Variants in ZNF382 observed in about 807,000 individuals in gnomAD.
ZNF382 encodes the protein KRAB/zinc finger suppressor protein 1.
Under a neutral mutation model 38.8 loss-of-function variants are expected in ZNF382, and 20 were observed. The observed-to-expected ratio is 0.51, with a 90% CI of 0.36 to 0.75. The LOEUF (loss-of-function observed/expected upper bound fraction) is 0.75, where lower values mean the gene tolerates loss of function less well. Among genes scored for constraint, ZNF382 ranks in the 30% least tolerant of loss-of-function variants. The pLI is 0.00. For synonymous variants in ZNF382, 202 were observed against 223.1 expected, an observed-to-expected ratio of 0.91 and a Z score of 0.84; for missense variants, 546 against 654.1, an observed-to-expected ratio of 0.83 and a Z score of 1.80.
rs1555793082 is a variant in ZNF382 at position 36,614,914 on chromosome 19, C to CTTCCCTTCCCTTTCCGTTTCCCT, written c.232+4179_232+4180insCCCTTTCCGTTTCCCTTTCCCTT. Among the ~76,000 whole-genome samples, 880 of 90,816 alleles carry CTTCCCTTCCCTTTCCGTTTCCCT rather than the reference C, an allele frequency of 9.7e-3. 26 individuals carry two copies. The highest frequency in any genetic ancestry group is 0.035 in the African/African-American group (747 of 21,518). 59.6% of individuals were successfully genotyped at this position (90,816 alleles called of 152,430 possible). A position where few individuals can be genotyped will look rare whatever the true frequency, so the allele number is the denominator to read the frequency against. ...CTTTCCTTTCCTTTCCTTTCCTTTC[C>CTTCCCTTCCCTTTCCGTTTCCCT]TTCCCTTTCCCTTTCCCTTTCCCTT... On this transcript the variant is annotated intron_variant, in intron 4 of 4. Transcript: ENST00000292928.
Position 36,634,030 on chromosome 19 carries a change from TA to T in ZNF382, c.*6486del, listed in dbSNP as rs975650683. 6.6e-5 allele frequency: 10 copies of T among 152,106 alleles called. No individual in the cohort carries two copies. The highest frequency in any genetic ancestry group is 2.2e-4 in the African/African-American group (9 of 41,418). 9.4% of individuals were successfully genotyped at this position (152,106 alleles called of 1,614,324 possible). A position where few individuals can be genotyped will look rare whatever the true frequency, so the allele number is the denominator to read the frequency against. Reference sequence around the variant, plus strand: ...CATAGATAAAAAATCTATGCATGTGTAAAAAATAGAAGTATACATACAAAAA... The same window carrying T: ...CATAGATAAAAAATCTATGCATGTGTAAAAATAGAAGTATACATACAAAAA... On this transcript the variant is annotated 3_prime_UTR_variant, in exon 5 of 5. Coordinates refer to ENST00000292928, the MANE Select transcript of ZNF382 (RefSeq NM_032825.5).
intron 3 of ZNF382, 60 bp downstream of exon 3, chr19:36,610,113 A>G (rs2037065411): frequency 6.3e-7 from 1 of 1,581,054 alleles, no homozygotes; most frequent in Non-Finnish European, 8.6e-7. Flanking sequence ...TTCCTGAAAC[A>G]TATAGGACTT....
chr19:36,621,022 G>T (rs552744715), intron 4 of ZNF382, among the ~76,000 whole-genome samples: 1 of 151,940 alleles, frequency 6.6e-6, no homozygotes, highest in Non-Finnish European at 1.5e-5. Context: ...GCCTCCGACA[G>T]TGCTGGGATT....
rs2037225446 is a variant in ZNF382 at position 36,627,559 on chromosome 19, G to C, written c.*9G>C. ...CCACGGGAATTCAGTAAGTAATGTG[G>C]CTTTTTTTGTAAAAAAATGTTAAGT... On this transcript the variant is annotated 3_prime_UTR_variant, in exon 5 of 5. Transcript: ENST00000292928. The C allele has an allele frequency of 6.3e-7, 1 of 1,593,034 alleles. No homozygotes were observed. Among genetic ancestry groups the C allele is most frequent in the Non-Finnish European group, 8.6e-7 (1 of 1,165,060 alleles).
At position 36,627,401 on chromosome 19, in the gene ZNF382, A is replaced by G. The variant is rs768216337; in HGVS notation, c.1504A>G (p.Ser502Gly). The change falls in exon 5 of 5, where the codon AGT becomes GGT. Residue 502 changes from serine to glycine, a missense_variant. Physicochemically the swap from Ser to Gly is moderately conservative, Grantham distance 56 (BLOSUM62 0). Transcript: ENST00000292928. ...NGCPQCGKAF[S>G]RKSNLIRHQK... ...GTGTCCTCAGTGTGGGAAAGCCTTCAGTAGGAAATCAAACCTCATTCGCCA... is the reference window on the plus strand; with the variant it reads ...GTGTCCTCAGTGTGGGAAAGCCTTCGGTAGGAAATCAAACCTCATTCGCCA... 3 of 1,614,210 alleles carry G rather than the reference A, an allele frequency of 1.9e-6. No individual in the cohort carries two copies. In the South Asian group the frequency reaches 3.3e-5, roughly 18 times the overall value.
chr19:36,610,905 G>A (rs934328390), intron 4 of ZNF382, among the ~76,000 whole-genome samples, 163 bp downstream of exon 4: 10 of 152,066 alleles, frequency 6.6e-5, no homozygotes, highest in African/African-American at 2.2e-4. Context: ...AAGTACATTC[G>A]CACTGTTGTG....
At chr19:36,609,813 A>G (rs905211699) in intron 2 of ZNF382, 89 bp from the exon 3 acceptor site, 3 of 1,229,322 alleles carry the variant, frequency 2.4e-6, no homozygotes, top group Non-Finnish European at 2.2e-6. Flanking sequence ...TGCAATATAA[A>G]ACATAAATAA....
In ZNF382 at chr19:36,628,003, T is replaced by C. The variant is rs554529225; in HGVS notation, c.*453T>C. 14 of 157,398 alleles carry C rather than the reference T, an allele frequency of 8.9e-5. No individual in the cohort carries two copies. The highest frequency in any genetic ancestry group is 1.7e-4 in the Non-Finnish European group (12 of 70,904). The allele number at this position is 157,398 out of a possible 1,614,324, so 9.8% of individuals were successfully genotyped here. A position where few individuals can be genotyped will look rare whatever the true frequency, so the allele number is the denominator to read the frequency against. On this transcript the variant is annotated 3_prime_UTR_variant, in exon 5 of 5. Transcript: ENST00000292928. ...GTTGTTACCTCCTCACAGTTGACCA[T>C]GATTCTGACTTCTAACATTACAAAT...
In ZNF382 at chr19:36,626,857, T is replaced by G. The variant is rs771068038; in HGVS notation, c.960T>G (p.Gly320=). 7.4e-5 allele frequency: 119 copies of G among 1,613,972 alleles called. No individual in the cohort carries two copies. The highest frequency in any genetic ancestry group is 9.9e-5 in the Non-Finnish European group (117 of 1,180,040). The stretch of plus-strand genomic sequence containing the variant: ...TTGAACATCAGCGAATTCACACAGG[T>G]GAAAAACCTTATGTTTGCAATCAAT... ...YLIEHQRIHT[G]EKPYVCNQCG... The change falls in exon 5 of 5, where the codon GGT becomes GGG. Residue 320 remains glycine (G), a synonymous_variant. Coordinates refer to ENST00000292928, the MANE Select transcript of ZNF382 (RefSeq NM_032825.5).
At chr19:36,614,802 C>T (rs923592350) in intron 4 of ZNF382, among the ~76,000 whole-genome samples, 3 of 152,072 alleles carry the variant, frequency 2.0e-5, no homozygotes, top group Admixed American at 6.5e-5. Context: ...ATCCCAGCTA[C>T]TCAGGAGCTG....
intron 4 of ZNF382, among the ~76,000 whole-genome samples, chr19:36,612,555 A>C (rs2037086439): frequency 6.6e-6 from 1 of 152,182 alleles, no homozygotes; most frequent in African/African-American, 2.4e-5. Flanking sequence ...TAGTAGCTAA[A>C]ACTACTATAC....
rs2037200706 is a variant in ZNF382 at position 36,625,102 on chromosome 19, A to ATATATATATATATATG, written c.233-1013_233-1012insGTATATATATATATAT. ...AAAATGAATTTAAATATATATATAT[A>ATATATATATATATATG]TATATATATATATATATATATATAT... On this transcript the variant is annotated intron_variant, in intron 4 of 4. Transcript: ENST00000292928. 2.7e-5 allele frequency among the ~76,000 whole-genome samples: 3 copies of ATATATATATATATATG among 111,164 alleles called. 1 individual carries two copies. The highest frequency in any genetic ancestry group is 3.8e-5 in the African/African-American group (1 of 26,528). The allele number at this position is 111,164 out of a possible 152,430, so 72.9% of individuals were successfully genotyped here.
intron 4 of ZNF382, among the ~76,000 whole-genome samples, chr19:36,618,102 C>T (rs1050244387): frequency 6.6e-6 from 1 of 152,246 alleles, no homozygotes; most frequent in South Asian, 2.1e-4. Flanking sequence ...TTTTGTTTGC[C>T]TGTTTTTCCA....
At chr19:36,611,290 A>C (rs78591657) in intron 4 of ZNF382, among the ~76,000 whole-genome samples, 1 of 147,862 alleles carries the variant, frequency 6.8e-6, no homozygotes, top group Non-Finnish European at 1.5e-5. Context: ...ACTCCATCTC[A>C]AAAAAAAAAT....
Position 36,632,298 on chromosome 19 carries a change from C to T in ZNF382, c.*4748C>T, listed in dbSNP as rs1021549639. 1 of 152,354 alleles carries T rather than the reference C, an allele frequency of 6.6e-6. No homozygotes were observed. The highest frequency in any genetic ancestry group is 2.4e-5 in the African/African-American group (1 of 41,456). 9.4% of individuals were successfully genotyped at this position (152,354 alleles called of 1,614,324 possible). ...CCGCCTCCCAGGTTCAAGCAAGTCT[C>T]CTGCCACAGCCTCCCTAAGTATCTG... On this transcript the variant is annotated 3_prime_UTR_variant, in exon 5 of 5. Coordinates refer to ENST00000292928, the MANE Select transcript of ZNF382 (RefSeq NM_032825.5).
Position 36,632,912 on chromosome 19 carries a change from G to A in ZNF382, c.*5362G>A, listed in dbSNP as rs979791524. 4 of 152,116 alleles carry A rather than the reference G, an allele frequency of 2.6e-5. No individual in the cohort carries two copies. The highest frequency in any genetic ancestry group is 4.8e-5 in the African/African-American group (2 of 41,398). 9.4% of individuals were successfully genotyped at this position (152,116 alleles called of 1,614,324 possible). A position where few individuals can be genotyped will look rare whatever the true frequency, so the allele number is the denominator to read the frequency against. On this transcript the variant is annotated 3_prime_UTR_variant, in exon 5 of 5. Coordinates refer to ENST00000292928, the MANE Select transcript of ZNF382 (RefSeq NM_032825.5). Reference sequence around the variant, plus strand: ...CTTGAATTTCTCCACTCAGTTTCTGGTCTAGCAATAGAGCCAGGCTTGCCA... The same window carrying A: ...CTTGAATTTCTCCACTCAGTTTCTGATCTAGCAATAGAGCCAGGCTTGCCA...
At chr19:36,626,081 CCA>C in intron 4 of ZNF382, 47 bp from the exon 5 acceptor site, 2 of 1,379,422 alleles carry the variant, frequency 1.4e-6, no homozygotes, top group South Asian at 3.3e-5. Context: ...TATACCCAAT[CCA>C]TAGCATTTAT....
chr19:36,629,183 ACTCCTGAC>A lies in ZNF382; in HGVS notation c.*1637_*1644del, dbSNP rs2037237770. Reference sequence around the variant, plus strand: ...ATCATGTTGGCCAGGCTGGTCTCGAACTCCTGACCTCAGGTGATCTGCCTGCCTCGGCC... The same window carrying A: ...ATCATGTTGGCCAGGCTGGTCTCGAACTCAGGTGATCTGCCTGCCTCGGCC... On this transcript the variant is annotated 3_prime_UTR_variant, in exon 5 of 5. Coordinates refer to ENST00000292928, the MANE Select transcript of ZNF382 (RefSeq NM_032825.5). The A allele has an allele frequency of 1.3e-5, 2 of 151,954 alleles. No homozygotes were observed. Among genetic ancestry groups the A allele is most frequent in the Admixed American group, 6.6e-5 (1 of 15,220 alleles). The allele number at this position is 151,954 out of a possible 1,614,324, so 9.4% of individuals were successfully genotyped here. A position where few individuals can be genotyped will look rare whatever the true frequency, so the allele number is the denominator to read the frequency against.
chr19:36,611,557 G>A (rs1453386490), intron 4 of ZNF382, among the ~76,000 whole-genome samples: 1 of 152,070 alleles, frequency 6.6e-6, no homozygotes, highest in Admixed American at 6.6e-5. Flanking sequence ...TCAGTGGTCC[G>A]TTGGGTTCCT....
Sources: allele counts gnomAD v4.1 joint callset (sites outside exome capture counted in the v4.1 genomes callset), GRCh38; gene constraint gnomAD v4.1.1; transcripts MANE v1.5; gene names NCBI Gene and HGNC (gene_info 2026-07-23, HGNC 2026-07-21).